SLC12A7: variants seen among roughly 807,000 people sequenced by gnomAD.
SLC12A7 encodes the protein K-Cl cotransporter 4.
SLC12A7 carries 100 observed loss-of-function variants against 120.6 expected under a neutral mutation model. That is an observed-to-expected ratio of 0.83 (90% CI 0.71 to 0.98). The LOEUF is 0.98. Among genes scored for constraint, SLC12A7 ranks in the 50% least tolerant of loss-of-function variants. The pLI, the probability that SLC12A7 is intolerant of heterozygous loss-of-function variation, is 0.00. For missense variants in SLC12A7, 1,373 were observed against 1,548.1 expected, an observed-to-expected ratio of 0.89 and a Z score of 1.90; for synonymous variants, 760 against 678.0, an observed-to-expected ratio of 1.12 and a Z score of -1.88.
Position 1,065,319 on chromosome 5 carries a change from G to A in SLC12A7, c.2401C>T (p.Gln801Ter), listed in dbSNP as rs781147279. The change falls in exon 18 of 24, where the codon CAG becomes TAG. Residue 801 changes from glutamine (Q) to a stop codon, truncating the protein, a stop_gained. Transcript: ENST00000264930. LOFTEE classifies it high-confidence loss of function. ...VLMAWPASWK[Q>*]EDNPFSWKNF... ...TTCCAGGAGAAGGGGTTGTCCTCCT[G>A]CTTCCAGGATGCGGGCCAGGCCATG... 6.3e-7 allele frequency: 1 copy of A among 1,586,760 alleles called. No homozygotes were observed. Among genetic ancestry groups the A allele is most frequent in the Admixed American group, 1.8e-5 (1 of 56,086 alleles).
intron 17 of SLC12A7, among the ~76,000 whole-genome samples, chr5:1,069,641 G>A (rs543735903): frequency 4.6e-5 from 7 of 152,196 alleles, no homozygotes; most frequent in Non-Finnish European, 1.0e-4. Context: ...CTGGGAATGA[G>A]GTGCCCTTGG....
At position 1,073,783 on chromosome 5, in the gene SLC12A7, C is replaced by G. The variant is rs893994737; in HGVS notation, c.2091G>C (p.Met697Ile). 1 of 1,452,636 alleles carries G rather than the reference C, an allele frequency of 6.9e-7. No individual in the cohort carries two copies. Among genetic ancestry groups the G allele is most frequent in the African/African-American group, 1.5e-5 (1 of 68,338 alleles). 90.0% of individuals were successfully genotyped at this position (1,452,636 alleles called of 1,614,324 possible). The change falls in exon 17 of 24, where the codon ATG (methionine) becomes ATC (isoleucine). Residue 697 changes from methionine (M) to isoleucine (I), a missense_variant. Met to Ile is a conservative substitution (Grantham distance 10). Transcript: ENST00000264930. The part of the protein sequence containing the change: ...TKNWRPQVLV[M>I]LNLDAEQAVK... ...CGGCCTGCTCCGCGTCCAGGTTCAG[C>G]ATCACCAGCACCTGGGGCCTGCAGC...
chr5:1,080,889 G>A (rs376865920), intron 9 of SLC12A7, among the ~76,000 whole-genome samples: 16 of 152,330 alleles, frequency 1.1e-4, no homozygotes, highest in African/African-American at 3.4e-4. Flanking sequence ...CAGCAGACAG[G>A]CTTCTCACAA....
chr5:1,064,843 G>A (rs146156575), intron 18 of SLC12A7, among the ~76,000 whole-genome samples: 6 of 139,258 alleles, frequency 4.3e-5, no homozygotes, highest in African/African-American at 1.0e-4. Context: ...ACGGCGAAGC[G>A]ACGGCGAGGA....
At chr5:1,126,920 G>A in the SLC12A7 span, among the ~76,000 whole-genome samples, 1 of 152,216 alleles carries the variant, frequency 6.6e-6, no homozygotes, top group Non-Finnish European at 1.5e-5. Flanking sequence ...ACAGGTACCT[G>A]TGAATGTCCT....
At chr5:1,128,364 A>G in the SLC12A7 span, among the ~76,000 whole-genome samples, 1 of 152,212 alleles carries the variant, frequency 6.6e-6, no homozygotes, top group South Asian at 2.1e-4. Flanking sequence ...CGCTCCAGGA[A>G]ATGAAGCCAG....
intron 17 of SLC12A7, among the ~76,000 whole-genome samples, chr5:1,069,990 C>T (rs866543648): frequency 0.012 from 1,464 of 120,648 alleles, 61 homozygotes; most frequent in African/African-American, 0.051. Context: ...TCACACTTAA[C>T]GCAGCCCCCA....
At chr5:1,147,818 T>C in the SLC12A7 span, among the ~76,000 whole-genome samples, 2 of 151,896 alleles carry the variant, frequency 1.3e-5, no homozygotes, top group Non-Finnish European at 2.9e-5. Context: ...TCACAGCTCA[T>C]TGTGGCCTTG....
the SLC12A7 span, among the ~76,000 whole-genome samples, chr5:1,122,501 T>C: frequency 1.3e-5 from 2 of 152,248 alleles, no homozygotes; most frequent in Non-Finnish European, 2.9e-5. Flanking sequence ...AAATAATACA[T>C]AAAATTGCCA....
chr5:1,130,195 A>G, the SLC12A7 span, among the ~76,000 whole-genome samples: 4 of 152,278 alleles, frequency 2.6e-5, no homozygotes, highest in East Asian at 7.7e-4. Context: ...CGGGCAGCCC[A>G]GGACCCTCCA....
At chr5:1,131,160 C>G in the SLC12A7 span, among the ~76,000 whole-genome samples, 1 of 152,170 alleles carries the variant, frequency 6.6e-6, no homozygotes, top group African/African-American at 2.4e-5. Flanking sequence ...CAGGGACGTC[C>G]CGGATCGCTA....
At chr5:1,124,742 G>GTGTGAATTCTTTTTAATTCTA in the SLC12A7 span, among the ~76,000 whole-genome samples, 1 of 152,196 alleles carries the variant, frequency 6.6e-6, no homozygotes, top group Non-Finnish European at 1.5e-5. Flanking sequence ...CGACGACCGT[G>GTGTGAATTCTTTTTAATTCTA]AGAACAGCAG....
At chr5:1,076,563 G>T (rs1269728374) in intron 13 of SLC12A7, 131 bp downstream of exon 13, 3 of 713,944 alleles carry the variant, frequency 4.2e-6, no homozygotes, top group South Asian at 3.5e-5. Flanking sequence ...CTCCCTTCCC[G>T]GCAGGATCCT....
rs768956025 is a variant in SLC12A7 at position 1,083,920 on chromosome 5, G to A, written c.954C>T (p.Arg318=). The A allele has an allele frequency of 1.2e-6, 2 of 1,606,442 alleles. No individual in the cohort carries two copies. Among genetic ancestry groups the A allele is most frequent in the South Asian group, 2.2e-5 (2 of 90,932 alleles). Residue 318 remains arginine (R), a synonymous_variant, in exon 8 of 24, where the codon CGC becomes CGT. Transcript: ENST00000264930. ...CLLGNRTLSR[R]SFDACVKAYG... ...AGGCCTTGACGCAGGCATCGAAGCT[G>A]CGCCGTGACAGCGTGCGGTTCCCCA...
At chr5:1,116,153 A>G (rs1743312357), upstream of SLC12A7, among the ~76,000 whole-genome samples, 1 of 152,086 alleles carries the variant, frequency 6.6e-6, no homozygotes, top group Non-Finnish European at 1.5e-5. Flanking sequence ...GGCAGGGATG[A>G]CAGAAGACCC....
chr5:1,107,396 G>A (rs921065310), intron 1 of SLC12A7, among the ~76,000 whole-genome samples: 4 of 152,314 alleles, frequency 2.6e-5, no homozygotes, highest in Non-Finnish European at 4.4e-5. Flanking sequence ...TGTGTAGGAC[G>A]TGGCCCCACG....
chr5:1,070,034 CAGCCCCCAGTGAGCCCCCAGTG>C (rs751066085), intron 17 of SLC12A7, among the ~76,000 whole-genome samples: 2 of 10,062 alleles, frequency 2.0e-4, no homozygotes, highest in Admixed American at 1.2e-3. Context: ...CACACTTATG[CAGCCCCCAGTGAGCCCCCAGTG>C]AGCCCCCAGC....
chr5:1,105,552 C>G (rs1367499141), intron 1 of SLC12A7, among the ~76,000 whole-genome samples: 1 of 152,264 alleles, frequency 6.6e-6, no homozygotes, highest in Non-Finnish European at 1.5e-5. Context: ...AGGGCCTGGA[C>G]AGCATGGCCA....
the SLC12A7 span, among the ~76,000 whole-genome samples, chr5:1,143,126 G>A: frequency 3.6e-3 from 555 of 152,276 alleles, 6 homozygotes; most frequent in Non-Finnish European, 5.9e-3. Flanking sequence ...CCCTCCATCC[G>A]CAGGGTCAGA....
Sources: gnomAD v4.1 joint callset for allele counts (sites outside exome capture counted in the v4.1 genomes callset) on GRCh38, gnomAD v4.1.1 for gene constraint, MANE v1.5 for transcripts, NCBI Gene and HGNC (gene_info 2026-07-23, HGNC 2026-07-21) for gene names.